The following TTC28 variants were observed in gnomAD, a reference collection of about 807,000 sequenced individuals.
The protein encoded by TTC28 is tetratricopeptide repeat protein 28.
A neutral mutation model predicts 198.0 loss-of-function variants in TTC28; 61 were observed. The ratio of observed to expected loss-of-function variants is 0.31; its 90% CI spans 0.25 to 0.38. The LOEUF is 0.38. TTC28 is among the 10% of genes least tolerant of loss of function. The probability of loss-of-function intolerance (pLI) is 1.00; values close to 1 mark genes in which losing one functional copy is unlikely to be tolerated. For synonymous variants in TTC28, 1,171 were observed against 1,297.8 expected (o/e 0.90, Z 2.10); for missense variants, 2,678 against 3,164.0 (o/e 0.85, Z 3.69).
At chr22:28,022,220 A>C (rs1938639753) in intron 13 of TTC28, among the ~76,000 whole-genome samples, 1 of 152,038 alleles carries the variant, frequency 6.6e-6, no homozygotes, top group Non-Finnish European at 1.5e-5. Flanking sequence ...TGTGCCCTCT[A>C]TCCCAGAAAG....
chr22:28,450,758 G>C (rs1418812882), intron 2 of TTC28, among the ~76,000 whole-genome samples: 1 of 152,118 alleles, frequency 6.6e-6, no homozygotes, highest in Non-Finnish European at 1.5e-5. Context: ...CAACAACTGG[G>C]ACTAGGCTTA....
At chr22:28,585,306 T>C (rs1047381982) in intron 2 of TTC28, among the ~76,000 whole-genome samples, 11 of 152,124 alleles carry the variant, frequency 7.2e-5, no homozygotes, top group African/African-American at 2.7e-4. Context: ...CCTGAACTTG[T>C]TTTCCTGCAG....
intron 5 of TTC28, among the ~76,000 whole-genome samples, chr22:28,200,111 T>C (rs1188127236): frequency 2.6e-5 from 4 of 152,088 alleles, no homozygotes; most frequent in African/African-American, 4.8e-5. Flanking sequence ...AGAGTCTCGC[T>C]ATATTGCCCA....
At chr22:28,590,260 TGGGACTACA>T (rs1569044266) in intron 2 of TTC28, among the ~76,000 whole-genome samples, 1 of 151,224 alleles carries the variant, frequency 6.6e-6, no homozygotes, top group East Asian at 2.0e-4. Context: ...CCTGAGTAGC[TGGGACTACA>T]GGCGCCCACC....
intron 6 of TTC28, among the ~76,000 whole-genome samples, chr22:28,157,656 T>C (rs1943779062): frequency 6.6e-6 from 1 of 152,172 alleles, no homozygotes; most frequent in Non-Finnish European, 1.5e-5. Flanking sequence ...TGATACTTCA[T>C]ATCAACAGAA....
At chr22:28,210,882 A>T (rs894552211) in intron 5 of TTC28, among the ~76,000 whole-genome samples, 1 of 152,206 alleles carries the variant, frequency 6.6e-6, no homozygotes. Flanking sequence ...AAGGGCAGCC[A>T]GAGAGAAAGG....
At chr22:28,105,199 A>G in intron 8 of TTC28, 80 bp downstream of exon 8, 1 of 1,444,302 alleles carries the variant, frequency 6.9e-7, no homozygotes, top group South Asian at 1.4e-5. Context: ...AACTGTGCAT[A>G]CTTCCCTCTG....
chr22:28,566,330 G>A (rs1466648284), intron 2 of TTC28, among the ~76,000 whole-genome samples: 1 of 152,102 alleles, frequency 6.6e-6, no homozygotes, highest in East Asian at 1.9e-4. Flanking sequence ...AGCATACTGA[G>A]GCACAGTGGA....
intron 1 of TTC28, among the ~76,000 whole-genome samples, chr22:28,661,600 T>C (rs1335074468): frequency 4.6e-5 from 7 of 151,790 alleles, no homozygotes; most frequent in African/African-American, 7.3e-5. Context: ...GACTGATTGA[T>C]AGACAGATAG....
intron 12 of TTC28, among the ~76,000 whole-genome samples, chr22:28,060,084 T>G (rs1364870503): frequency 6.6e-6 from 1 of 152,150 alleles, no homozygotes; most frequent in Admixed American, 6.6e-5. Flanking sequence ...ACTCAACTTT[T>G]TTTTTTAAAA....
intron 5 of TTC28, among the ~76,000 whole-genome samples, chr22:28,173,243 G>A (rs2059147009): frequency 1.3e-5 from 2 of 152,118 alleles, no homozygotes; most frequent in Admixed American, 1.3e-4. Context: ...CTTTGTTCCT[G>A]TTCCTGTAGA....
chr22:28,628,207 TATTA>T (rs2051109423), intron 2 of TTC28, among the ~76,000 whole-genome samples: 1 of 152,210 alleles, frequency 6.6e-6, no homozygotes, highest in African/African-American at 2.4e-5. Flanking sequence ...TTCAGCATAT[TATTA>T]ATAAGACATT....
chr22:28,352,605 C>T (rs996143039), intron 2 of TTC28, among the ~76,000 whole-genome samples: 52 of 152,072 alleles, frequency 3.4e-4, no homozygotes, highest in African/African-American at 8.0e-4. Context: ...TTAGCCTCAA[C>T]CACTTGGGGG....
chr22:28,647,266 T>C (rs1215284107), intron 1 of TTC28, among the ~76,000 whole-genome samples: 2 of 152,118 alleles, frequency 1.3e-5, no homozygotes, highest in Non-Finnish European at 2.9e-5. Flanking sequence ...ATCTAGGACC[T>C]GAAATCATAG....
Position 27,983,611 on chromosome 22 carries a change from C to T in TTC28, c.6056G>A (p.Gly2019Glu). ...CTTGGACCGGTCATGGTCCTGCCGTCCTCCGGGGCCTCCACCCTCTGATCC... is the reference window on the plus strand; with the variant it reads ...CTTGGACCGGTCATGGTCCTGCCGTTCTCCGGGGCCTCCACCCTCTGATCC... ...EGGSEGGGPG[G>E]RQDHDRSKNA... The change falls in exon 23 of 23, where the codon GGA (glycine) becomes GAA (glutamate). Residue 2019 changes from glycine to glutamate, a missense_variant. Coordinates refer to ENST00000397906, the MANE Select transcript of TTC28 (RefSeq NM_001145418.2). 1 of 1,544,772 alleles carries T rather than the reference C, an allele frequency of 6.5e-7. No individual in the cohort carries two copies. The highest frequency in any genetic ancestry group is 8.7e-7 in the Non-Finnish European group (1 of 1,143,916).
intron 2 of TTC28, among the ~76,000 whole-genome samples, chr22:28,434,998 T>C (rs1043584544): frequency 1.3e-5 from 2 of 152,224 alleles, no homozygotes; most frequent in African/African-American, 4.8e-5. Context: ...TGAATGACCA[T>C]TGGCTTACTA....
At chr22:28,140,368 A>T (rs760533116) in intron 6 of TTC28, among the ~76,000 whole-genome samples, 2 of 152,320 alleles carry the variant, frequency 1.3e-5, no homozygotes, top group African/African-American at 4.8e-5. Context: ...AGAACTAATA[A>T]GGTCCCAGTG....
At chr22:28,272,342 T>C (rs1250521327) in intron 5 of TTC28, among the ~76,000 whole-genome samples, 2 of 152,188 alleles carry the variant, frequency 1.3e-5, no homozygotes, top group East Asian at 3.9e-4. Context: ...GAGTAGAAGA[T>C]ACAAATAATA....
chr22:28,200,299 C>T (rs1601465265), intron 5 of TTC28, among the ~76,000 whole-genome samples: 1 of 152,064 alleles, frequency 6.6e-6, no homozygotes, highest in East Asian at 1.9e-4. Context: ...TTAAAAAATA[C>T]AAATTCTCAA....
Sources: allele counts gnomAD v4.1 joint callset (sites outside exome capture counted in the v4.1 genomes callset), GRCh38; gene constraint gnomAD v4.1.1; transcripts MANE v1.5; gene names NCBI Gene and HGNC (gene_info 2026-07-23, HGNC 2026-07-21).